DNAH11: variants seen among roughly 807,000 people sequenced by gnomAD.
DNAH11 encodes the protein axonemal beta dynein heavy chain 11.
Under a neutral mutation model 526.0 loss-of-function variants are expected in DNAH11, and 442 were observed. The observed-to-expected ratio is 0.84, with a 90% CI of 0.78 to 0.91. The LOEUF (loss-of-function observed/expected upper bound fraction) is 0.91. DNAH11 is among the 40% of genes least tolerant of loss of function. The pLI, the probability that DNAH11 is intolerant of heterozygous loss-of-function variation, is 0.00. For synonymous variants in DNAH11, 2,461 were observed against 1,935.9 expected (o/e 1.27, Z -7.12); for missense variants, 6,989 against 5,448.7 (o/e 1.28, Z -8.90).
rs772740368 is a variant in DNAH11 at position 21,687,146 on chromosome 7, C to G, written c.5669C>G (p.Ala1890Gly). 3.0e-5 allele frequency: 48 copies of G among 1,613,264 alleles called. No homozygotes were observed. The highest frequency in any genetic ancestry group is 5.0e-5 in the Admixed American group (3 of 59,890). The change falls in exon 33 of 82, where the codon GCT (alanine) becomes GGT (glycine). Residue 1890 changes from alanine (A) to glycine (G), a missense_variant. Physicochemically the swap from Ala to Gly is moderately conservative, Grantham distance 60. Coordinates refer to ENST00000409508, the MANE Select transcript of DNAH11 (RefSeq NM_001277115.2). ...TQSLHLTMSG[A>G]PAGPAGTGKT... The stretch of plus-strand genomic sequence containing the variant: ...TCACTTCATCTAACCATGAGTGGGG[C>G]TCCTGCTGGCCCAGCTGGTACCGGG...
chr7:21,853,382 A>G (rs1782715794), intron 67 of DNAH11, among the ~76,000 whole-genome samples: 1 of 152,236 alleles, frequency 6.6e-6, no homozygotes. Flanking sequence ...AAGCGAGGAA[A>G]TGGAATCCCA....
At chr7:21,831,612 A>G (rs768177541) in intron 65 of DNAH11, among the ~76,000 whole-genome samples, 1 of 151,832 alleles carries the variant, frequency 6.6e-6, no homozygotes, top group Non-Finnish European at 1.5e-5. Flanking sequence ...CCCTCTATTA[A>G]CCTCTCTTTT....
chr7:21,601,631 G>A lies in DNAH11; in HGVS notation c.3648+13G>A. On this transcript the variant is annotated intron_variant, in intron 18 of 81. Transcript: ENST00000409508. ...TATTCAGCTAGAGGTAAGTGCAGAG[G>A]TGAAATAATCATAATTACCATAAAT... The A allele has an allele frequency of 6.6e-7, 1 of 1,522,672 alleles. No individual in the cohort carries two copies. The highest frequency in any genetic ancestry group is 8.8e-7 in the Non-Finnish European group (1 of 1,131,108). 94.3% of individuals were successfully genotyped at this position (1,522,672 alleles called of 1,614,324 possible).
At chr7:21,721,895 C>G (rs1784891477) in intron 44 of DNAH11, among the ~76,000 whole-genome samples, 1 of 152,170 alleles carries the variant, frequency 6.6e-6, no homozygotes. Flanking sequence ...ATTTGTGAAC[C>G]ATAGTCAACC....
At chr7:21,689,416 T>G (rs996963255) in intron 34 of DNAH11, among the ~76,000 whole-genome samples, 5 of 152,206 alleles carry the variant, frequency 3.3e-5, no homozygotes, top group African/African-American at 1.2e-4. Flanking sequence ...CTCTGCTCCT[T>G]CTTGACTTCA....
chr7:21,723,723 TTCCCCCAC>T (rs1339911771), intron 44 of DNAH11, among the ~76,000 whole-genome samples: 130 of 152,018 alleles, frequency 8.6e-4, no homozygotes, highest in Non-Finnish European at 1.5e-3. Context: ...CCTCTGCCAC[TTCCCCCAC>T]TCCCCCACTC....
At chr7:21,581,842 T>C (rs1428399498) in intron 8 of DNAH11, 63 bp from the exon 9 acceptor site, 1 of 1,004,612 alleles carries the variant, frequency 1.0e-6, no homozygotes. Context: ...CACGCTTGTG[T>C]GATTGCTATT....
At chr7:21,864,475 T>C in intron 69 of DNAH11, 60 bp from the exon 70 acceptor site, 1 of 1,567,634 alleles carries the variant, frequency 6.4e-7, no homozygotes, top group Non-Finnish European at 8.7e-7. Flanking sequence ...TGTGACTACT[T>C]CCTGTGTGAC....
intron 36 of DNAH11, among the ~76,000 whole-genome samples, chr7:21,701,053 C>A (rs770997710): frequency 2.6e-5 from 4 of 151,980 alleles, no homozygotes; most frequent in Non-Finnish European, 4.4e-5. Context: ...TACGTGTATA[C>A]CTATGTAACA....
At chr7:21,713,412 C>T (rs1784534866) in intron 42 of DNAH11, among the ~76,000 whole-genome samples, 1 of 152,150 alleles carries the variant, frequency 6.6e-6, no homozygotes, top group Admixed American at 6.5e-5. Flanking sequence ...TCCTTCCCAA[C>T]AGGGTCATGT....
chr7:21,731,473 A>G (rs942119070), intron 45 of DNAH11, among the ~76,000 whole-genome samples: 2 of 152,248 alleles, frequency 1.3e-5, no homozygotes, highest in Admixed American at 6.5e-5. Flanking sequence ...AAGAAAAATT[A>G]CCTAGACCTA....
chr7:21,830,612 C>T (rs1434192699), intron 65 of DNAH11, among the ~76,000 whole-genome samples: 2 of 152,022 alleles, frequency 1.3e-5, no homozygotes, highest in Non-Finnish European at 2.9e-5. Flanking sequence ...GTCTAGAGAC[C>T]CAGGTTCTAG....
intron 39 of DNAH11, among the ~76,000 whole-genome samples, chr7:21,707,142 C>T (rs1037128046): frequency 6.6e-6 from 1 of 152,204 alleles, no homozygotes; most frequent in African/African-American, 2.4e-5. Context: ...ACAGTCTTTT[C>T]TTGAGAACCA....
intron 65 of DNAH11, among the ~76,000 whole-genome samples, chr7:21,826,880 T>A (rs769889673): frequency 6.6e-6 from 1 of 152,224 alleles, no homozygotes; most frequent in Non-Finnish European, 1.5e-5. Flanking sequence ...GGAGTTGTTG[T>A]TGTTGTTGTT....
intron 64 of DNAH11, 50 bp downstream of exon 64, chr7:21,816,752 G>T: frequency 6.6e-7 from 1 of 1,515,208 alleles, no homozygotes; most frequent in South Asian, 1.2e-5. Context: ...CTGTGAAGTG[G>T]GTCTGATTTT....
At chr7:21,616,172 ATGT>A (rs1261261064) in intron 21 of DNAH11, 34 bp from the exon 22 acceptor site, 8 of 1,533,674 alleles carry the variant, frequency 5.2e-6, no homozygotes, top group Admixed American at 5.0e-5. Flanking sequence ...CTTTCACCAA[ATGT>A]TGTTGACACT....
chr7:21,901,232 T>TGGCTCTGCTTCTAGAAGC lies in DNAH11; in HGVS notation c.13531_13548dup (p.Ala4511_Ala4516dup), dbSNP rs758987460. ...ACTGCAAAATGGGTTCTGGCTGGAG[T>TGGCTCTGCTTCTAGAAGC]GGCTCTGCTTCTAGAAGCGTAAGGT... is the stretch of plus-strand genomic sequence containing the variant. On this transcript the variant is annotated inframe_insertion, in exon 82 of 82. Coordinates refer to ENST00000409508, the MANE Select transcript of DNAH11 (RefSeq NM_001277115.2). 6 of 1,608,694 alleles carry TGGCTCTGCTTCTAGAAGC rather than the reference T, an allele frequency of 3.7e-6. No individual in the cohort carries two copies. The highest frequency in any genetic ancestry group is 4.5e-5 in the East Asian group (2 of 44,638).
chr7:21,647,454 G>C (rs553680877), intron 28 of DNAH11, among the ~76,000 whole-genome samples: 1 of 121,348 alleles, frequency 8.2e-6, no homozygotes, highest in Non-Finnish European at 1.7e-5. Flanking sequence ...TTTTGAGACA[G>C]AGTCTTACTC....
intron 63 of DNAH11, among the ~76,000 whole-genome samples, chr7:21,809,131 GGT>G (rs1176481903): frequency 2.6e-5 from 4 of 152,002 alleles, no homozygotes; most frequent in African/African-American, 9.7e-5. Context: ...CTGATGACTC[GGT>G]GATGTTGAGC....
Sources: allele counts gnomAD v4.1 joint callset (sites outside exome capture counted in the v4.1 genomes callset), GRCh38; gene constraint gnomAD v4.1.1; transcripts MANE v1.5; gene names NCBI Gene and HGNC (gene_info 2026-07-23, HGNC 2026-07-21).